CALCOCO2: variants seen among roughly 807,000 people sequenced by gnomAD.
CALCOCO2 encodes calcium binding and coiled-coil domain 2.
In CALCOCO2, 42 loss-of-function variants were observed where a neutral mutation model predicts 62.5. That is an observed-to-expected ratio of 0.67 (90% CI 0.53 to 0.87). The LOEUF (loss-of-function observed/expected upper bound fraction) is 0.87, where lower values mean the gene tolerates loss of function less well. CALCOCO2 is among the 40% of genes least tolerant of loss of function. CALCOCO2 has a pLI of 0.00. For synonymous variants in CALCOCO2, 167 were observed against 173.0 expected, an observed-to-expected ratio of 0.97 and a Z score of 0.27; for missense variants, 456 against 515.0, an observed-to-expected ratio of 0.89 and a Z score of 1.11.
chr17:48,851,841 A>C, intron 7 of CALCOCO2: 1 of 467,006 alleles, frequency 2.1e-6, no homozygotes, highest in Non-Finnish European at 3.9e-6. Flanking sequence ...AAAAAAAATC[A>C]TGATTCACAG....
At chr17:48,831,307 C>G (rs2039807751) in intron 1 of CALCOCO2, 1 of 152,246 alleles carries the variant, frequency 6.6e-6, no homozygotes, top group Non-Finnish European at 1.5e-5. Context: ...CGCTGCAGTG[C>G]TGTGTGGCAG....
At chr17:48,860,172 G>A (rs1185835947) in intron 10 of CALCOCO2, 142 bp from the exon 11 acceptor site, 1 of 621,096 alleles carries the variant, frequency 1.6e-6, no homozygotes, top group Non-Finnish European at 2.9e-6. Flanking sequence ...CTCTTCTGAA[G>A]AATTATGGAT....
intron 8 of CALCOCO2, 62 bp from the exon 9 acceptor site, chr17:48,852,864 A>G (rs532650385): frequency 1.1e-5 from 14 of 1,268,338 alleles, no homozygotes; most frequent in Non-Finnish European, 1.4e-5. Context: ...AGGCCCTTCC[A>G]TGGTGTGTGT....
chr17:48,846,171 C>G, intron 2 of CALCOCO2: 4 of 764,054 alleles, frequency 5.2e-6, no homozygotes, highest in Non-Finnish European at 2.0e-6. Flanking sequence ...GAGTCTTGCT[C>G]TGTCACCCAG....
chr17:48,846,099 A>G (rs1210656815), intron 2 of CALCOCO2: 8 of 1,319,418 alleles, frequency 6.1e-6, no homozygotes, highest in Non-Finnish European at 8.3e-6. Context: ...GGCACCAGGT[A>G]GGTACTCAGT....
intron 2 of CALCOCO2, among the ~76,000 whole-genome samples, chr17:48,847,090 G>A (rs1310387923): frequency 6.6e-6 from 1 of 151,954 alleles, no homozygotes; most frequent in African/African-American, 2.4e-5. Flanking sequence ...CCAGATTGTT[G>A]TTAATATCTT....
intron 1 of CALCOCO2, among the ~76,000 whole-genome samples, chr17:48,840,442 A>G (rs1022201074): frequency 1.3e-5 from 2 of 152,134 alleles, no homozygotes; most frequent in Admixed American, 1.3e-4. Flanking sequence ...CAACTTTCCT[A>G]TTCTTGATCA....
At chr17:48,850,495 C>T (rs1293925112) in intron 5 of CALCOCO2, among the ~76,000 whole-genome samples, 1 of 151,962 alleles carries the variant, frequency 6.6e-6, no homozygotes, top group Non-Finnish European at 1.5e-5. Flanking sequence ...TATATGCATA[C>T]ACATAGTATT....
intron 8 of CALCOCO2, 49 bp downstream of exon 8, chr17:48,852,677 T>C (rs376172743): frequency 1.3e-6 from 2 of 1,557,812 alleles, no homozygotes; most frequent in Non-Finnish European, 1.8e-6. Context: ...CAAGAAAATA[T>C]ACGTTGTTCT....
Position 48,851,115 on chromosome 17 carries a change from C to G in CALCOCO2, c.570C>G (p.Ile190Met). Residue 190 changes from isoleucine to methionine, a missense_variant, in exon 6 of 13, where the codon ATC becomes ATG. Transcript: ENST00000258947. ...KQEELETLQS[I>M]NKKLELKVKE... ...AGGAGCTAGAAACCCTACAGAGCATCAATAAGAAGTTGGAACTGAAAGTGA... is the reference window on the plus strand; with the variant it reads ...AGGAGCTAGAAACCCTACAGAGCATGAATAAGAAGTTGGAACTGAAAGTGA... 1 of 1,608,244 alleles carries G rather than the reference C, an allele frequency of 6.2e-7. No individual in the cohort carries two copies. Among genetic ancestry groups the G allele is most frequent in the Non-Finnish European group, 8.5e-7 (1 of 1,174,896 alleles).
At chr17:48,831,541 C>A (rs972750018) in intron 1 of CALCOCO2, 1 of 152,198 alleles carries the variant, frequency 6.6e-6, no homozygotes, top group Admixed American at 6.5e-5. Flanking sequence ...GCCTCAGTGT[C>A]CCCCTTTACG....
At chr17:48,849,450 T>C (rs1317173768) in intron 5 of CALCOCO2, 73 bp downstream of exon 5, 37 of 1,323,698 alleles carry the variant, frequency 2.8e-5, no homozygotes, top group Non-Finnish European at 3.6e-5. Flanking sequence ...TCCAGCACCA[T>C]ATTCTGTTTT....
At chr17:48,860,094 AAAAT>A (rs1385077085) in intron 10 of CALCOCO2, among the ~76,000 whole-genome samples, 2 of 152,194 alleles carry the variant, frequency 1.3e-5, no homozygotes, top group African/African-American at 4.8e-5. Context: ...ACTCTGACTC[AAAAT>A]AAATAAATAA....
intron 2 of CALCOCO2, chr17:48,845,972 G>A (rs1205888006): frequency 1.2e-5 from 8 of 691,864 alleles, no homozygotes; most frequent in Non-Finnish European, 1.9e-5. Flanking sequence ...AGAATGAAGA[G>A]TTGGCTGTAA....
At chr17:48,855,881 AAT>A in intron 9 of CALCOCO2, 6 of 282,070 alleles carry the variant, frequency 2.1e-5, no homozygotes, top group East Asian at 5.6e-5. Flanking sequence ...AAAAAAAAAA[AAT>A]TGGCATCTTG....
chr17:48,863,098 T>C lies in CALCOCO2; in HGVS notation c.*93T>C. On this transcript the variant is annotated 3_prime_UTR_variant, in exon 13 of 13. Coordinates refer to ENST00000258947, the MANE Select transcript of CALCOCO2 (RefSeq NM_005831.5). The stretch of plus-strand genomic sequence containing the variant: ...ATATGAGTCAAGATCCTGCCTAACC[T>C]GAAATTATTAGGGATTTACTCAGCC... 1.0e-6 allele frequency: 1 copy of C among 957,610 alleles called. No homozygotes were observed. Among genetic ancestry groups the C allele is most frequent in the South Asian group, 1.3e-5 (1 of 75,290 alleles). 59.3% of individuals were successfully genotyped at this position (957,610 alleles called of 1,614,324 possible).
chr17:48,854,742 T>C (rs931448874), intron 9 of CALCOCO2, among the ~76,000 whole-genome samples: 2 of 151,786 alleles, frequency 1.3e-5, no homozygotes, highest in Non-Finnish European at 1.5e-5. Flanking sequence ...TTTCAAGACC[T>C]AGGGGCTCCC....
chr17:48,859,230 A>C (rs555309353), intron 10 of CALCOCO2, among the ~76,000 whole-genome samples: 1 of 151,994 alleles, frequency 6.6e-6, no homozygotes, highest in Non-Finnish European at 1.5e-5. Context: ...CTGTGTTGAT[A>C]TATCCATTTG....
At position 48,851,125 on chromosome 17, in the gene CALCOCO2, T is replaced by C. The variant is rs1453718905; in HGVS notation, c.580T>C (p.Leu194=). The C allele has an allele frequency of 6.2e-7, 1 of 1,610,554 alleles. No homozygotes were observed. The highest frequency in any genetic ancestry group is 1.3e-5 in the African/African-American group (1 of 74,802). Residue 194 remains leucine (L), a synonymous_variant, in exon 6 of 13, where the codon TTG becomes CTG. Transcript: ENST00000258947. ...LETLQSINKK[L]ELKVKEQKDY... ...AACCCTACAGAGCATCAATAAGAAG[T>C]TGGAACTGAAAGTGAAAGAACAGAA...
Sources: gnomAD v4.1 joint callset for allele counts (sites outside exome capture counted in the v4.1 genomes callset) on GRCh38, gnomAD v4.1.1 for gene constraint, MANE v1.5 for transcripts, NCBI Gene and HGNC (gene_info 2026-07-23, HGNC 2026-07-21) for gene names.